ANKFN1: variants seen among roughly 807,000 people sequenced by gnomAD.
ANKFN1 encodes ankyrin repeat and fibronectin type-III domain-containing protein 1.
A neutral mutation model predicts 108.7 loss-of-function variants in ANKFN1; 74 were observed. The observed-to-expected ratio is 0.68, with a 90% CI of 0.56 to 0.83. The LOEUF is 0.83. ANKFN1 is among the 40% of genes least tolerant of loss of function. The pLI is 0.00. For missense variants in ANKFN1, 1,505 were observed against 1,382.3 expected, an observed-to-expected ratio of 1.09 and a Z score of -1.41; for synonymous variants, 547 against 516.2, an observed-to-expected ratio of 1.06 and a Z score of -0.81.
intron 4 of ANKFN1, among the ~76,000 whole-genome samples, chr17:56,110,753 A>G (rs1905915600): frequency 6.6e-6 from 1 of 152,236 alleles, no homozygotes; most frequent in Non-Finnish European, 1.5e-5. Context: ...ACTCACCCCA[A>G]CAATACCTTT....
chr17:56,113,853 G>A (rs1906112244), intron 4 of ANKFN1, among the ~76,000 whole-genome samples: 2 of 63,838 alleles, frequency 3.1e-5, no homozygotes, highest in South Asian at 1.0e-3. Context: ...ATATGATTAG[G>A]AGAGATAGAT....
intron 3 of ANKFN1, among the ~76,000 whole-genome samples, chr17:56,302,707 C>T (rs72833840): frequency 0.11 from 17,345 of 152,110 alleles, 1,062 homozygotes; most frequent in African/African-American, 0.18. Flanking sequence ...GTTAATAAGA[C>T]AGAGTATATA....
chr17:56,431,941 C>T (rs960733906), intron 8 of ANKFN1, among the ~76,000 whole-genome samples: 1 of 152,156 alleles, frequency 6.6e-6, no homozygotes, highest in African/African-American at 2.4e-5. Context: ...CTGGAGCTCT[C>T]TCCATGCAAG....
At chr17:56,093,321 A>G (rs997650104) in intron 4 of ANKFN1, among the ~76,000 whole-genome samples, 2 of 151,248 alleles carry the variant, frequency 1.3e-5, no homozygotes, top group African/African-American at 4.9e-5. Context: ...ACTTGGGCTT[A>G]AAACCTAGCT....
chr17:56,379,259 C>T (rs1178613107), intron 8 of ANKFN1, among the ~76,000 whole-genome samples: 4 of 152,108 alleles, frequency 2.6e-5, no homozygotes, highest in South Asian at 2.1e-4. Context: ...ATTGGCTGGG[C>T]ATGGTGGCGG....
chr17:56,069,721 A>G (rs79827361), intron 4 of ANKFN1, among the ~76,000 whole-genome samples: 19,889 of 152,172 alleles, frequency 0.13, 1,660 homozygotes, highest in Non-Finnish European at 0.19. Flanking sequence ...ATCCCAGGAG[A>G]GGGTTCTTGG....
intron 11 of ANKFN1, among the ~76,000 whole-genome samples, chr17:56,450,009 C>T (rs987801789): frequency 1.3e-5 from 2 of 152,158 alleles, no homozygotes. Flanking sequence ...TGTAACGATT[C>T]GTGGAAGAGG....
chr17:56,226,618 A>C (rs79350894), intron 2 of ANKFN1, among the ~76,000 whole-genome samples: 290 of 152,314 alleles, frequency 1.9e-3, no homozygotes, highest in Non-Finnish European at 3.4e-3. Context: ...CAAAACCTCC[A>C]TAGCTACCTT....
chr17:56,321,864 G>A (rs1383122179), intron 3 of ANKFN1, among the ~76,000 whole-genome samples: 2 of 152,152 alleles, frequency 1.3e-5, no homozygotes, highest in African/African-American at 2.4e-5. Context: ...GCAGCTCAAG[G>A]ACTGAAGTTC....
At chr17:56,171,565 C>T (rs980042408) in intron 1 of ANKFN1, among the ~76,000 whole-genome samples, 1 of 152,178 alleles carries the variant, frequency 6.6e-6, no homozygotes, top group African/African-American at 2.4e-5. Context: ...TTTCCATAAA[C>T]AGCGTGGGTG....
At chr17:56,229,358 C>T (rs957787938) in intron 3 of ANKFN1, among the ~76,000 whole-genome samples, 10 of 151,980 alleles carry the variant, frequency 6.6e-5, no homozygotes. Flanking sequence ...TAACTTTTGA[C>T]TGTATTATTT....
rs71139913 is a variant in ANKFN1, at chr17:56,516,257, AGTGTGTGTGT to A, written c.*5004_*5013del. On this transcript the variant is annotated 3_prime_UTR_variant, in exon 21 of 21. Coordinates refer to ENST00000682825, the MANE Select transcript of ANKFN1 (RefSeq NM_001370326.1). ...GTTTGATGTTTGTGATTTTTAAAAA[AGTGTGTGTGT>A]GTGTGTGTGTGTGTGCGTGTGTGGT... Among the ~76,000 whole-genome samples the A allele has an allele frequency of 4.7e-5, 7 of 148,362 alleles. No individual in the cohort carries two copies. Among genetic ancestry groups the A allele is most frequent in the African/African-American group, 9.9e-5 (4 of 40,434 alleles).
intron 3 of ANKFN1, among the ~76,000 whole-genome samples, chr17:56,302,973 A>G (rs2044716233): frequency 6.6e-6 from 1 of 152,228 alleles, no homozygotes; most frequent in South Asian, 2.1e-4. Context: ...CTGTAATGAA[A>G]TGTATGCTGC....
At chr17:56,115,879 G>A (rs763579507) in intron 4 of ANKFN1, among the ~76,000 whole-genome samples, 9 of 152,130 alleles carry the variant, frequency 5.9e-5, no homozygotes, top group Non-Finnish European at 1.3e-4. Context: ...ACAGGGGAAC[G>A]GCCAGGCAGG....
chr17:56,467,852 A>AAGAAAGAAAGAAAG lies in ANKFN1; in HGVS notation c.1773+1282_1773+1283insGAAAGAAAGAAAGA, dbSNP rs1175301331. On this transcript the variant is annotated intron_variant, in intron 15 of 20. Transcript: ENST00000682825. ...AAAGAAAGAAAGAAAGAAAGAAAGA[A>AAGAAAGAAAGAAAG]AAAGGGAAAGAAAGAAAGAACTAGA... Among the ~76,000 whole-genome samples the AAGAAAGAAAGAAAG allele has an allele frequency of 7.0e-4, 16 of 22,910 alleles. 1 individual carries two copies. The highest frequency in any genetic ancestry group is 1.5e-3 in the African/African-American group (14 of 9,594). 15.0% of individuals were successfully genotyped at this position (22,910 alleles called of 152,430 possible). A position where few individuals can be genotyped will look rare whatever the true frequency, so the allele number is the denominator to read the frequency against.
chr17:56,375,099 CAAT>C (rs984156871), intron 8 of ANKFN1, among the ~76,000 whole-genome samples: 38 of 152,136 alleles, frequency 2.5e-4, no homozygotes, highest in African/African-American at 8.9e-4. Flanking sequence ...TTAAAAAAAA[CAAT>C]AACTAAAGCT....
At chr17:56,308,983 T>C (rs62073053) in intron 3 of ANKFN1, among the ~76,000 whole-genome samples, 13,215 of 152,264 alleles carry the variant, frequency 0.087, 552 homozygotes, top group East Asian at 0.15. Context: ...TATTGGTTAA[T>C]GATTTTTTGC....
chr17:56,257,172 T>C (rs574314465), intron 3 of ANKFN1, among the ~76,000 whole-genome samples: 1 of 152,306 alleles, frequency 6.6e-6, no homozygotes, highest in African/African-American at 2.4e-5. Context: ...AACTCAATAG[T>C]TTTTATGTCA....
intron 1 of ANKFN1, among the ~76,000 whole-genome samples, chr17:56,199,322 C>A (rs1913831758): frequency 6.7e-6 from 1 of 149,444 alleles, no homozygotes; most frequent in African/African-American, 2.4e-5. Context: ...TACTTTATGA[C>A]CTTACTGAAC....
Sources: allele counts gnomAD v4.1 joint callset (sites outside exome capture counted in the v4.1 genomes callset), GRCh38; gene constraint gnomAD v4.1.1; transcripts MANE v1.5; gene names NCBI Gene and HGNC (gene_info 2026-07-23, HGNC 2026-07-21).